Variants in ARV1 observed in about 807,000 individuals in gnomAD.
ARV1 encodes protein ARV1.
Under a neutral mutation model 31.1 loss-of-function variants are expected in ARV1, and 26 were observed. The ratio of observed to expected loss-of-function variants is 0.84; its 90% CI spans 0.61 to 1.16. ARV1 has a LOEUF of 1.16. ARV1 is among the 50% of genes most tolerant of loss of function. ARV1 has a pLI of 0.00. For synonymous variants in ARV1, 117 were observed against 123.2 expected, an observed-to-expected ratio of 0.95 and a Z score of 0.34; for missense variants, 281 against 324.9, an observed-to-expected ratio of 0.86 and a Z score of 1.04.
At chr1:230,991,097 C>T (rs1379378550) in intron 3 of ARV1, among the ~76,000 whole-genome samples, 1 of 152,138 alleles carries the variant, frequency 6.6e-6, no homozygotes, top group African/African-American at 2.4e-5. Context: ...TCAGGAAGTG[C>T]TTTTCAGAAT....
intron 1 of ARV1, among the ~76,000 whole-genome samples, chr1:230,986,862 C>T (rs1423192613): frequency 6.6e-6 from 1 of 151,974 alleles, no homozygotes; most frequent in Non-Finnish European, 1.5e-5. Flanking sequence ...TAGCACTTCT[C>T]ACATACTGTG....
intron 3 of ARV1, among the ~76,000 whole-genome samples, chr1:230,995,004 A>G (rs994264172): frequency 1.1e-4 from 16 of 152,260 alleles, no homozygotes; most frequent in African/African-American, 3.1e-4. Flanking sequence ...AACATAGCTT[A>G]TATGGGAAAA....
intron 5 of ARV1, among the ~76,000 whole-genome samples, chr1:230,998,494 A>G (rs939394338): frequency 5.3e-5 from 8 of 152,082 alleles, no homozygotes; most frequent in South Asian, 2.1e-4. Flanking sequence ...CCCTCTGCCT[A>G]TGCACAGCTC....
intron 3 of ARV1, among the ~76,000 whole-genome samples, chr1:230,991,602 C>CCAT (rs1336248651): frequency 1.3e-5 from 2 of 151,930 alleles, no homozygotes; most frequent in Non-Finnish European, 2.9e-5. Context: ...TCAGGAAATC[C>CCAT]CATTGGCTCC....
intron 3 of ARV1, among the ~76,000 whole-genome samples, chr1:230,993,462 C>G (rs149727766): frequency 4.8e-4 from 73 of 152,140 alleles, no homozygotes; most frequent in African/African-American, 1.7e-3. Flanking sequence ...AAAAACCAGG[C>G]TTGTTTTTAA....
In ARV1 at chr1:230,979,222, G is replaced by A. The variant is rs1678743935; in HGVS notation, c.117G>A (p.Gln39=). The A allele has an allele frequency of 6.2e-7, 1 of 1,613,628 alleles. No individual in the cohort carries two copies. The highest frequency in any genetic ancestry group is 8.5e-7 in the Non-Finnish European group (1 of 1,179,816). The change falls in exon 1 of 6, where the codon CAG becomes CAA. Residue 39 remains glutamine (Q), a synonymous_variant. Coordinates refer to ENST00000310256, the MANE Select transcript of ARV1 (RefSeq NM_022786.3). ...AGTACAGGTGCATCGAATGCAACCA[G>A]GAGGCCAAAGAGTTGTACCGAGACT... ...SCQYRCIECN[Q]EAKELYRDYN... is the part of the protein sequence containing the mutation.
chr1:230,979,934 A>AATT (rs749665744), intron 1 of ARV1, among the ~76,000 whole-genome samples: 1 of 152,164 alleles, frequency 6.6e-6, no homozygotes, highest in Non-Finnish European at 1.5e-5. Flanking sequence ...CTTATGTTTA[A>AATT]AGAGTCTACA....
intron 3 of ARV1, among the ~76,000 whole-genome samples, chr1:230,994,960 G>A (rs1472521520): frequency 6.6e-6 from 1 of 152,208 alleles, no homozygotes; most frequent in African/African-American, 2.4e-5. Context: ...TGTGTCCAGA[G>A]AAACCTGATT....
At chr1:230,988,567 T>A (rs769678565) in intron 2 of ARV1, 128 bp downstream of exon 2, 12 of 750,350 alleles carry the variant, frequency 1.6e-5, no homozygotes, top group Non-Finnish European at 2.4e-5. Flanking sequence ...TGAGAGTGGG[T>A]CTTTTATTGC....
chr1:230,990,195 C>A lies in ARV1; in HGVS notation c.380C>A (p.Ala127Asp). Residue 127 changes from alanine to aspartate, a missense_variant, in exon 3 of 6, where the codon GCC becomes GAC. Ala to Asp is a moderately radical substitution (Grantham distance 126, BLOSUM62 -2). Transcript: ENST00000310256. Reference sequence around the variant, plus strand: ...CTTCAAGATTCCAACCAGAATACTGCCCCTGATGACTTGATCAGATATGCT... The same window carrying A: ...CTTCAAGATTCCAACCAGAATACTGACCCTGATGACTTGATCAGATATGCT... ...WQLQDSNQNT[A>D]PDDLIRYAKE... 6.2e-7 allele frequency: 1 copy of A among 1,613,094 alleles called. No homozygotes were observed. Among genetic ancestry groups the A allele is most frequent in the Non-Finnish European group, 8.5e-7 (1 of 1,179,820 alleles).
chr1:230,980,836 TTTC>T (rs1678890414), intron 1 of ARV1, among the ~76,000 whole-genome samples: 2 of 152,264 alleles, frequency 1.3e-5, no homozygotes, highest in African/African-American at 4.8e-5. Context: ...TTCTGCTCTT[TTTC>T]TTCTTAATTA....
intron 1 of ARV1, among the ~76,000 whole-genome samples, chr1:230,981,486 C>T (rs1461922158): frequency 2.6e-5 from 4 of 152,174 alleles, no homozygotes; most frequent in Non-Finnish European, 4.4e-5. Flanking sequence ...AGGTATTCAG[C>T]AAATCCTGTT....
At position 230,995,930 on chromosome 1, in the gene ARV1, T is replaced by A; in HGVS notation, c.619T>A (p.Cys207Ser). 4.3e-6 allele frequency: 7 copies of A among 1,614,174 alleles called. No individual in the cohort carries two copies. The highest frequency in any genetic ancestry group is 5.9e-6 in the Non-Finnish European group (7 of 1,180,028). The change falls in exon 4 of 6, where the codon TGC becomes AGC. Residue 207 changes from cysteine (C) to serine (S), a missense_variant. Cys to Ser is a moderately radical substitution (Grantham distance 112). Coordinates refer to ENST00000310256, the MANE Select transcript of ARV1 (RefSeq NM_022786.3). ...VIWEHDYTSV[C>S]LKLIKVFVLT... is the part of the protein sequence containing the mutation. The stretch of plus-strand genomic sequence containing the variant: ...TTGGGAACATGACTACACATCTGTG[T>A]GCCTCAAACTCATTAAAGTATTTGT...
chr1:230,987,204 C>T (rs1679106897), intron 1 of ARV1, among the ~76,000 whole-genome samples: 1 of 152,168 alleles, frequency 6.6e-6, no homozygotes, highest in South Asian at 2.1e-4. Context: ...GGAGCATCTG[C>T]AACGTGGACA....
intron 1 of ARV1, among the ~76,000 whole-genome samples, chr1:230,985,721 C>T (rs927178557): frequency 6.6e-6 from 1 of 152,140 alleles, no homozygotes; most frequent in Admixed American, 6.5e-5. Context: ...GAAGCAGCCT[C>T]TCTGGTGTCC....
intron 1 of ARV1, 53 bp downstream of exon 1, chr1:230,979,332 T>C: frequency 6.2e-7 from 1 of 1,601,396 alleles, no homozygotes; most frequent in Non-Finnish European, 8.5e-7. Context: ...CGGCGGGATT[T>C]GGGGACCGCG....
chr1:231,000,101 A>C (rs1361620774), intron 5 of ARV1, 37 bp from the exon 6 acceptor site: 1 of 152,212 alleles, frequency 6.6e-6, no homozygotes, highest in Non-Finnish European at 1.5e-5. Flanking sequence ...TTTTCAGCAG[A>C]ATGTGGCATT....
Position 230,990,193 on chromosome 1 carries a change from T to C in ARV1, c.378T>C (p.Thr126=), listed in dbSNP as rs1679191494. ...WWQLQDSNQN[T]APDDLIRYAK... ...AGCTTCAAGATTCCAACCAGAATAC[T>C]GCCCCTGATGACTTGATCAGATATG... The change falls in exon 3 of 6, where the codon ACT becomes ACC. Residue 126 remains threonine (T), a synonymous_variant. Transcript: ENST00000310256. 6.2e-7 allele frequency: 1 copy of C among 1,613,278 alleles called. No individual in the cohort carries two copies. The highest frequency in any genetic ancestry group is 1.1e-5 in the South Asian group (1 of 90,848).
At chr1:230,984,330 C>T (rs576805519) in intron 1 of ARV1, among the ~76,000 whole-genome samples, 1 of 136,578 alleles carries the variant, frequency 7.3e-6, no homozygotes, top group African/African-American at 2.7e-5. Context: ...GGGATGTCTA[C>T]ATTTGTTTGT....
Sources: allele counts gnomAD v4.1 joint callset (sites outside exome capture counted in the v4.1 genomes callset), GRCh38; gene constraint gnomAD v4.1.1; transcripts MANE v1.5; gene names NCBI Gene and HGNC (gene_info 2026-07-23, HGNC 2026-07-21).